PCCA: variants seen among roughly 807,000 people sequenced by gnomAD.
PCCA encodes propionyl-CoA carboxylase alpha chain, mitochondrial.
Under a neutral mutation model 101.3 loss-of-function variants are expected in PCCA, and 74 were observed. That is an observed-to-expected ratio of 0.73 (90% confidence interval 0.61 to 0.89). PCCA has a LOEUF of 0.89. PCCA is among the 40% of genes least tolerant of loss of function. The pLI is 0.00. For synonymous variants in PCCA, 294 were observed against 313.6 expected (o/e 0.94, Z 0.66); for missense variants, 891 against 907.0 (o/e 0.98, Z 0.23).
At chr13:100,375,708 A>T (rs1373780614) in intron 19 of PCCA, among the ~76,000 whole-genome samples, 1 of 152,244 alleles carries the variant, frequency 6.6e-6, no homozygotes, top group Non-Finnish European at 1.5e-5. Flanking sequence ...TGTAAAGTCC[A>T]TCAACACTAT....
chr13:100,349,959 C>A (rs187116133), intron 18 of PCCA, among the ~76,000 whole-genome samples: 21 of 152,274 alleles, frequency 1.4e-4, no homozygotes, highest in Non-Finnish European at 2.9e-5. Context: ...GTGATTTCTG[C>A]CTAGCAGAGA....
At chr13:100,485,570 A>G (rs2084311135) in intron 21 of PCCA, among the ~76,000 whole-genome samples, 1 of 152,142 alleles carries the variant, frequency 6.6e-6, no homozygotes, top group Non-Finnish European at 1.5e-5. Flanking sequence ...GAACTTACAG[A>G]ATTGTTTTTG....
At chr13:100,225,851 C>A (rs762538150) in intron 7 of PCCA, among the ~76,000 whole-genome samples, 14 of 151,866 alleles carry the variant, frequency 9.2e-5, no homozygotes, top group Non-Finnish European at 1.3e-4. Context: ...AGTGCAGTGG[C>A]GCGATCTTGG....
chr13:100,392,043 A>G (rs551489319), intron 19 of PCCA, among the ~76,000 whole-genome samples: 1 of 152,254 alleles, frequency 6.6e-6, no homozygotes, highest in Admixed American at 6.5e-5. Flanking sequence ...CTTATCATGC[A>G]CTTGAGTTCT....
intron 19 of PCCA, among the ~76,000 whole-genome samples, chr13:100,377,169 G>C (rs2075967041): frequency 6.6e-6 from 1 of 152,126 alleles, no homozygotes; most frequent in Non-Finnish European, 1.5e-5. Context: ...AGTGAGATGA[G>C]CCGGGTACCT....
At chr13:100,329,431 C>T (rs889521685) in intron 16 of PCCA, among the ~76,000 whole-genome samples, 9 of 151,994 alleles carry the variant, frequency 5.9e-5, no homozygotes, top group African/African-American at 1.5e-4. Flanking sequence ...GCTTAGTGGC[C>T]GGCCTTCAGA....
chr13:100,498,417 C>A (rs923496772), intron 21 of PCCA, among the ~76,000 whole-genome samples: 3 of 151,934 alleles, frequency 2.0e-5, no homozygotes, highest in African/African-American at 7.3e-5. Context: ...GGAAACACGC[C>A]CGTATTAGTG....
chr13:100,379,476 T>C (rs1013383331), intron 19 of PCCA, among the ~76,000 whole-genome samples: 8 of 152,160 alleles, frequency 5.3e-5, no homozygotes, highest in African/African-American at 1.7e-4. Flanking sequence ...AAAATCCAAA[T>C]AAATGGAAAG....
chr13:100,121,912 G>T lies in PCCA; in HGVS notation c.300+9851G>T, dbSNP rs183689041. 2.0e-5 allele frequency among the ~76,000 whole-genome samples: 3 copies of T among 152,164 alleles called. No homozygotes were observed. The East Asian group carries it at 5.8e-4, about 29-fold the overall frequency. On this transcript the variant is annotated intron_variant, in intron 4 of 23. Transcript: ENST00000376285. ...AACAATGTTGAAGAGGTGAGAGGAGGCATCCTTGTCTTGTTCTTCATCTTA... is the reference window on the plus strand; with the variant it reads ...AACAATGTTGAAGAGGTGAGAGGAGTCATCCTTGTCTTGTTCTTCATCTTA...
At chr13:100,205,903 A>G (rs2058822766) in intron 6 of PCCA, among the ~76,000 whole-genome samples, 1 of 152,168 alleles carries the variant, frequency 6.6e-6, no homozygotes. Flanking sequence ...GGTTTTGGAT[A>G]AAGAGAAATG....
intron 18 of PCCA, among the ~76,000 whole-genome samples, chr13:100,355,972 C>T (rs1017706057): frequency 2.0e-5 from 3 of 152,094 alleles, no homozygotes; most frequent in South Asian, 2.1e-4. Context: ...GTTATATTTA[C>T]AGTCAATTGA....
At chr13:100,257,700 T>G in intron 9 of PCCA, 27 bp downstream of exon 9, 2 of 1,532,732 alleles carry the variant, frequency 1.3e-6, no homozygotes, top group Non-Finnish European at 1.8e-6. Context: ...AATATACTTT[T>G]GATGAAAATT....
At chr13:100,282,999 G>A (rs1566860001) in intron 12 of PCCA, among the ~76,000 whole-genome samples, 1 of 151,968 alleles carries the variant, frequency 6.6e-6, no homozygotes, top group African/African-American at 2.4e-5. Flanking sequence ...GTAGGGGGAG[G>A]GGAATTTGGC....
At chr13:100,168,566 T>C (rs188209383) in intron 6 of PCCA, among the ~76,000 whole-genome samples, 110 of 152,352 alleles carry the variant, frequency 7.2e-4, no homozygotes, top group African/African-American at 2.5e-3. Context: ...AAGAGAATTA[T>C]TAGCTGTTAC....
At chr13:100,322,279 C>T (rs932433062) in intron 16 of PCCA, among the ~76,000 whole-genome samples, 3 of 152,102 alleles carry the variant, frequency 2.0e-5, no homozygotes, top group Admixed American at 6.6e-5. Context: ...TCGGAAGTTG[C>T]GTACATCACT....
In PCCA at chr13:100,307,129, G is replaced by A. The variant is rs183060638; in HGVS notation, c.1285-63G>A. 3,310 of 1,087,214 alleles carry A rather than the reference G, an allele frequency of 3.0e-3. 21 individuals carry two copies. Among genetic ancestry groups the A allele is most frequent in the Non-Finnish European group, 3.1e-3 (2,248 of 720,470 alleles). The allele number at this position is 1,087,214 out of a possible 1,614,324, so 67.3% of individuals were successfully genotyped here. A position where few individuals can be genotyped will look rare whatever the true frequency, so the allele number is the denominator to read the frequency against. On this transcript the variant is annotated intron_variant, in intron 14 of 23. Transcript: ENST00000376285. ...CATTTTCTCCATGGAAATGAAATTGGTGGTTACAAAAAAATATCTACACAA... is the reference window on the plus strand; with the variant it reads ...CATTTTCTCCATGGAAATGAAATTGATGGTTACAAAAAAATATCTACACAA...
At chr13:100,351,615 A>T (rs2073275354) in intron 18 of PCCA, among the ~76,000 whole-genome samples, 1 of 152,204 alleles carries the variant, frequency 6.6e-6, no homozygotes, top group African/African-American at 2.4e-5. Flanking sequence ...AACGAGATGT[A>T]CTAGAATGAG....
chr13:100,169,554 G>A (rs2055414075), intron 6 of PCCA, among the ~76,000 whole-genome samples: 1 of 152,000 alleles, frequency 6.6e-6, no homozygotes, highest in Admixed American at 6.6e-5. Context: ...TTGAGACGGA[G>A]TCTTGCTCTG....
At chr13:100,478,127 A>C (rs1055007208) in intron 21 of PCCA, among the ~76,000 whole-genome samples, 2 of 152,210 alleles carry the variant, frequency 1.3e-5, no homozygotes, top group African/African-American at 4.8e-5. Context: ...TTTTACCCTG[A>C]AGAGGAATGG....
Sources: allele counts gnomAD v4.1 joint callset (sites outside exome capture counted in the v4.1 genomes callset), GRCh38; gene constraint gnomAD v4.1.1; transcripts MANE v1.5; gene names NCBI Gene and HGNC (gene_info 2026-07-23, HGNC 2026-07-21).